HEATR3: variants seen among roughly 807,000 people sequenced by gnomAD.
HEATR3 encodes the protein HEAT repeat containing 3.
In HEATR3, 56 loss-of-function variants were observed where a neutral mutation model predicts 72.8. The ratio of observed to expected loss-of-function variants is 0.77; its 90% CI spans 0.62 to 0.96. The LOEUF is 0.96. Among genes scored for constraint, HEATR3 ranks in the 40% least tolerant of loss-of-function variants. The probability of loss-of-function intolerance (pLI) is 0.00; values close to 1 mark genes in which losing one functional copy is unlikely to be tolerated. For missense variants in HEATR3, 747 were observed against 831.4 expected, an observed-to-expected ratio of 0.90 and a Z score of 1.25; for synonymous variants, 331 against 318.1, an observed-to-expected ratio of 1.04 and a Z score of -0.43.
intron 12 of HEATR3, among the ~76,000 whole-genome samples, chr16:50,095,867 A>T (rs2037223385): frequency 6.6e-6 from 1 of 152,172 alleles, no homozygotes; most frequent in African/African-American, 2.4e-5. Flanking sequence ...GTAGTTCAGT[A>T]TGCATGTCTG....
At chr16:50,094,572 G>GT (rs948567929) in intron 11 of HEATR3, 133 bp from the exon 12 acceptor site, 1,176 of 509,752 alleles carry the variant, frequency 2.3e-3, no homozygotes, top group Middle Eastern at 3.6e-3. Context: ...AATATCGAGG[G>GT]TTTTTTTTTG....
chr16:50,099,305 C>T (rs575704405), intron 12 of HEATR3, among the ~76,000 whole-genome samples: 25 of 152,238 alleles, frequency 1.6e-4, no homozygotes, highest in Admixed American at 7.9e-4. Context: ...AGGAAAATTA[C>T]TCAAAGCCCA....
chr16:50,066,434 G>T lies in HEATR3; in HGVS notation c.206G>T (p.Arg69Leu), dbSNP rs937198523. Residue 69 changes from arginine to leucine, a missense_variant, in exon 2 of 15, where the codon CGG becomes CTG. Transcript: ENST00000299192. The stretch of plus-strand genomic sequence containing the variant: ...GGGCTGGCCCGGCTGGTGCAGCAGC[G>T]GCCGGCACTCCCGGGCCTGGCGCGA... ...CAGLARLVQQ[R>L]PALPGLARRD... 6 of 1,457,386 alleles carry T rather than the reference G, an allele frequency of 4.1e-6. No homozygotes were observed. The highest frequency in any genetic ancestry group is 1.5e-5 in the African/African-American group (1 of 67,902). The allele number at this position is 1,457,386 out of a possible 1,614,324, so 90.3% of individuals were successfully genotyped here. A position where few individuals can be genotyped will look rare whatever the true frequency, so the allele number is the denominator to read the frequency against.
At chr16:50,066,604 G>A (rs972648323) in intron 2 of HEATR3, 65 bp downstream of exon 2, 3 of 1,233,712 alleles carry the variant, frequency 2.4e-6, no homozygotes, top group Admixed American at 4.2e-5. Flanking sequence ...GCTGCGGGCG[G>A]TCGCAGCGGT....
chr16:50,078,275 T>A (rs993396686), intron 6 of HEATR3, among the ~76,000 whole-genome samples: 2 of 152,192 alleles, frequency 1.3e-5, no homozygotes, highest in Non-Finnish European at 2.9e-5. Context: ...AAAATTACTC[T>A]GACTACTTAA....
At position 50,105,289 on chromosome 16, in the gene HEATR3, G is replaced by T; in HGVS notation, c.*228G>T. 2.4e-6 allele frequency: 1 copy of T among 411,452 alleles called. No homozygotes were observed. Among genetic ancestry groups the T allele is most frequent in the South Asian group, 2.3e-5 (1 of 43,000 alleles). 25.5% of individuals were successfully genotyped at this position (411,452 alleles called of 1,614,324 possible). On this transcript the variant is annotated 3_prime_UTR_variant, in exon 15 of 15. Coordinates refer to ENST00000299192, the MANE Select transcript of HEATR3 (RefSeq NM_182922.4). ...ACTTGAGGTCAGGAGTTTGAGGCCA[G>T]CCTGGCCAACATGGTGAAACCGCAT...
intron 2 of HEATR3, among the ~76,000 whole-genome samples, chr16:50,067,079 C>T (rs1490687564): frequency 1.3e-5 from 2 of 152,062 alleles, no homozygotes; most frequent in Admixed American, 6.6e-5. Context: ...TTGGGCCGGG[C>T]GCGGTGGCAC....
chr16:50,073,401 C>G (rs534467226), intron 5 of HEATR3: 3 of 152,206 alleles, frequency 2.0e-5, no homozygotes, highest in Non-Finnish European at 2.9e-5. Context: ...TTACTGCGGG[C>G]ATCCAGCTGT....
chr16:50,096,646 A>G (rs2037245123), intron 12 of HEATR3, among the ~76,000 whole-genome samples: 1 of 152,024 alleles, frequency 6.6e-6, no homozygotes, highest in African/African-American at 2.4e-5. Context: ...AAAAAATACA[A>G]AAATCAGCCG....
Position 50,066,168 on chromosome 16 carries a change from C to A in HEATR3, c.37C>A (p.Gln13Lys). 1 of 1,596,972 alleles carries A rather than the reference C, an allele frequency of 6.3e-7. No individual in the cohort carries two copies. The highest frequency in any genetic ancestry group is 2.3e-5 in the East Asian group (1 of 44,154). ...CCGGACGAAGCGCTTCAAGCGACCT[C>A]AGTTCTCCCCTACGGGCGACTGTCA... ...KSRTKRFKRP[Q>K]FSPTGDCQAE... The change falls in exon 1 of 15, where the codon CAG (glutamine) becomes AAG (lysine). Residue 13 changes from glutamine to lysine, a missense_variant. Transcript: ENST00000299192.
chr16:50,083,125 C>G lies in HEATR3; in HGVS notation c.1042-812C>G, dbSNP rs187066991. ...CTCCAGCCTAGGCAACAGAGTGAGACTCTGTCTCTAAGGGGGAAAAAAAAA... is the reference window on the plus strand; with the variant it reads ...CTCCAGCCTAGGCAACAGAGTGAGAGTCTGTCTCTAAGGGGGAAAAAAAAA... On this transcript the variant is annotated intron_variant, in intron 7 of 14. Coordinates refer to ENST00000299192, the MANE Select transcript of HEATR3 (RefSeq NM_182922.4). 3.8e-4 allele frequency among the ~76,000 whole-genome samples: 58 copies of G among 151,834 alleles called. 1 individual carries two copies. The highest frequency in any genetic ancestry group is 1.4e-3 in the African/African-American group (58 of 41,428).
chr16:50,097,943 C>A (rs11076512), intron 12 of HEATR3, among the ~76,000 whole-genome samples: 117,917 of 148,946 alleles, frequency 0.79, 46,863 homozygotes, highest in Middle Eastern at 0.84. Flanking sequence ...AAAAAAAAAC[C>A]CTGGAATTAG....
At chr16:50,080,477 A>T (rs2036843587) in intron 7 of HEATR3, among the ~76,000 whole-genome samples, 1 of 151,348 alleles carries the variant, frequency 6.6e-6, no homozygotes, top group Admixed American at 6.6e-5. Flanking sequence ...AGTAGCTGGG[A>T]TTACAGGCAT....
At chr16:50,096,724 G>A (rs1206176148) in intron 12 of HEATR3, among the ~76,000 whole-genome samples, 2 of 152,150 alleles carry the variant, frequency 1.3e-5, no homozygotes, top group Non-Finnish European at 2.9e-5. Context: ...TGCTTGAACT[G>A]GGAGGTGGAG....
Position 50,104,958 on chromosome 16 carries a change from G to T in HEATR3, c.1940G>T (p.Gly647Val), listed in dbSNP as rs902509907. ...FKMKIRKEGR[G>V]NYSTDQLCVL... ...TTGCAGATACGTAAAGAAGGGAGAG[G>T]TAACTATAGCACAGATCAGCTGTGT... Residue 647 changes from glycine (G) to valine (V), a missense_variant, in exon 15 of 15, where the codon GGT (glycine) becomes GTT (valine). Transcript: ENST00000299192. 1 of 1,593,322 alleles carries T rather than the reference G, an allele frequency of 6.3e-7. No individual in the cohort carries two copies. Among genetic ancestry groups the T allele is most frequent in the Non-Finnish European group, 8.5e-7 (1 of 1,173,846 alleles).
At chr16:50,081,505 G>A (rs776328015) in intron 7 of HEATR3, among the ~76,000 whole-genome samples, 4 of 152,100 alleles carry the variant, frequency 2.6e-5, no homozygotes, top group Non-Finnish European at 4.4e-5. Context: ...AGTGGTGGGC[G>A]GTGGTGGGGC....
At chr16:50,075,170 A>G (rs756046458) in intron 5 of HEATR3, among the ~76,000 whole-genome samples, 5 of 152,074 alleles carry the variant, frequency 3.3e-5, no homozygotes, top group Non-Finnish European at 7.4e-5. Context: ...TATAGAAATT[A>G]GCCAGGCATC....
At chr16:50,102,622 A>G (rs1180391177) in intron 14 of HEATR3, among the ~76,000 whole-genome samples, 187 bp downstream of exon 14, 1 of 152,214 alleles carries the variant, frequency 6.6e-6, no homozygotes, top group Non-Finnish European at 1.5e-5. Context: ...CTACTGAATC[A>G]TTGAAACTGA....
At position 50,072,665 on chromosome 16, in the gene HEATR3, A is replaced by G. The variant is rs776511827; in HGVS notation, c.573A>G (p.Leu191=). ...FNKEGCLEIV[L]KYLSRFPTNV... ...AAGAAGGGTGTTTGGAGATTGTGTT[A>G]AAGTATTTAAGTAGGTTTCCTACCA... The change falls in exon 5 of 15, where the codon TTA becomes TTG. Residue 191 remains leucine (L), a synonymous_variant. Coordinates refer to ENST00000299192, the MANE Select transcript of HEATR3 (RefSeq NM_182922.4). 1 of 1,609,404 alleles carries G rather than the reference A, an allele frequency of 6.2e-7. No homozygotes were observed. Among genetic ancestry groups the G allele is most frequent in the African/African-American group, 1.3e-5 (1 of 74,880 alleles).
Sources: gnomAD v4.1 joint callset for allele counts (sites outside exome capture counted in the v4.1 genomes callset) on GRCh38, gnomAD v4.1.1 for gene constraint, MANE v1.5 for transcripts, NCBI Gene and HGNC (gene_info 2026-07-23, HGNC 2026-07-21) for gene names.